Variants in SDE2 observed in about 807,000 individuals in gnomAD.
The protein encoded by SDE2 is splicing regulator SDE2.
Under a neutral mutation model 46.9 loss-of-function variants are expected in SDE2, and 31 were observed. The ratio of observed to expected loss-of-function variants is 0.66; its 90% CI spans 0.50 to 0.89. The LOEUF (loss-of-function observed/expected upper bound fraction) is 0.89. Among genes scored for constraint, SDE2 ranks in the 40% least tolerant of loss-of-function variants. SDE2 has a pLI of 0.00. For synonymous variants in SDE2, 205 were observed against 204.3 expected (o/e 1.00, Z -0.03); for missense variants, 542 against 564.4 (o/e 0.96, Z 0.40).
intron 1 of SDE2, among the ~76,000 whole-genome samples, chr1:225,998,133 G>T (rs1165394960): frequency 6.6e-6 from 1 of 152,086 alleles, no homozygotes; most frequent in Non-Finnish European, 1.5e-5. Flanking sequence ...CGTCGGGGGT[G>T]GGGGAGGGGG....
At position 225,983,123 on chromosome 1, in the gene SDE2, T is replaced by C. The variant is rs1384807674; in HGVS notation, c.*2179A>G. On this transcript the variant is annotated 3_prime_UTR_variant, in exon 7 of 7. Transcript: ENST00000272091. Reference sequence around the variant, plus strand: ...TATTAAAAGATACAGAGAGAACAGATAAAAATGCAAGTCTCAAGTATATGT... The same window carrying C: ...TATTAAAAGATACAGAGAGAACAGACAAAAATGCAAGTCTCAAGTATATGT... 3 of 152,102 alleles carry C rather than the reference T, an allele frequency of 2.0e-5. No homozygotes were observed. The highest frequency in any genetic ancestry group is 4.4e-5 in the Non-Finnish European group (3 of 68,008). The allele number at this position is 152,102 out of a possible 1,614,324, so 9.4% of individuals were successfully genotyped here.
chr1:225,997,313 T>G (rs1297543634), intron 1 of SDE2, among the ~76,000 whole-genome samples: 1 of 152,236 alleles, frequency 6.6e-6, no homozygotes, highest in Non-Finnish European at 1.5e-5. Flanking sequence ...AACATAGGTG[T>G]GAACTTGAGC....
intron 3 of SDE2, 31 bp from the exon 4 acceptor site, chr1:225,992,598 A>T: frequency 1.5e-6 from 2 of 1,373,400 alleles, no homozygotes. Flanking sequence ...GATATAACTG[A>T]ATAGATATAT....
Position 225,984,036 on chromosome 1 carries a change from C to T in SDE2, c.*1266G>A, listed in dbSNP as rs1656214217. 1 of 151,926 alleles carries T rather than the reference C, an allele frequency of 6.6e-6. No individual in the cohort carries two copies. Among genetic ancestry groups the T allele is most frequent in the Non-Finnish European group, 1.5e-5 (1 of 67,978 alleles). 9.4% of individuals were successfully genotyped at this position (151,926 alleles called of 1,614,324 possible). A position where few individuals can be genotyped will look rare whatever the true frequency, so the allele number is the denominator to read the frequency against. ...CCAAAGTGGGTGGATCACCTGAGGT[C>T]AGGAGTTCGAGACCAGCCTGGCCAA... On this transcript the variant is annotated 3_prime_UTR_variant, in exon 7 of 7. Transcript: ENST00000272091.
intron 5 of SDE2, among the ~76,000 whole-genome samples, chr1:225,990,057 A>G (rs1656363886): frequency 6.6e-6 from 1 of 151,580 alleles, no homozygotes; most frequent in South Asian, 2.1e-4. Context: ...CCTCAGCAAC[A>G]GAGTGAGGAA....
chr1:225,994,214 T>C (rs1415634201), intron 2 of SDE2, among the ~76,000 whole-genome samples: 2 of 152,094 alleles, frequency 1.3e-5, no homozygotes, highest in Admixed American at 6.6e-5. Flanking sequence ...GTAGCTGAGA[T>C]TACAGGCTCC....
intron 1 of SDE2, among the ~76,000 whole-genome samples, 168 bp from the exon 2 acceptor site, chr1:225,995,551 G>C (rs1226940219): frequency 6.6e-6 from 1 of 152,190 alleles, no homozygotes; most frequent in Non-Finnish European, 1.5e-5. Context: ...CATTTCACAT[G>C]ATGCATTTTG....
At chr1:225,988,889 A>G (rs1656329442) in intron 5 of SDE2, among the ~76,000 whole-genome samples, 1 of 152,230 alleles carries the variant, frequency 6.6e-6, no homozygotes, top group Admixed American at 6.5e-5. Flanking sequence ...AACTGTCCCA[A>G]AGATCCAAGA....
chr1:225,991,334 A>C lies in SDE2; in HGVS notation c.550T>G (p.Ser184Ala). 1 of 1,613,886 alleles carries C rather than the reference A, an allele frequency of 6.2e-7. No homozygotes were observed. The highest frequency in any genetic ancestry group is 8.5e-7 in the Non-Finnish European group (1 of 1,179,780). The change falls in exon 5 of 7, where the codon TCA becomes GCA. Residue 184 changes from serine (S) to alanine (A), a missense_variant. Physicochemically the swap from Ser to Ala is moderately conservative, Grantham distance 99. Coordinates refer to ENST00000272091, the MANE Select transcript of SDE2 (RefSeq NM_152608.4). ...GMQAASSKMV[S>A]AEISENRKRQ... is the part of the protein sequence containing the mutation. ...TTCCGATTCTCACTGATTTCTGCTG[A>C]AACCATCTTGCTGGAGGCAGCCTGC...
At chr1:225,993,905 G>T (rs1227689659) in intron 2 of SDE2, among the ~76,000 whole-genome samples, 1 of 151,184 alleles carries the variant, frequency 6.6e-6, no homozygotes, top group Non-Finnish European at 1.5e-5. Flanking sequence ...AAGTTGCTAG[G>T]ATTACAGGCG....
intron 1 of SDE2, among the ~76,000 whole-genome samples, chr1:225,995,977 C>CT (rs1391300571): frequency 6.6e-6 from 1 of 152,184 alleles, no homozygotes; most frequent in African/African-American, 2.4e-5. Flanking sequence ...AATCAATACT[C>CT]TAAGCAGTCC....
chr1:225,989,190 G>A (rs1464189067), intron 5 of SDE2, among the ~76,000 whole-genome samples: 4 of 148,394 alleles, frequency 2.7e-5, no homozygotes, highest in South Asian at 4.4e-4. Context: ...CCTGCTACTC[G>A]AGAGGCTGAG....
At chr1:225,994,251 A>G (rs1042425226) in intron 2 of SDE2, among the ~76,000 whole-genome samples, 1 of 151,888 alleles carries the variant, frequency 6.6e-6, no homozygotes, top group Non-Finnish European at 1.5e-5. Flanking sequence ...TAATTTTTAT[A>G]TCTCTAGTAG....
intron 4 of SDE2, among the ~76,000 whole-genome samples, chr1:225,991,929 T>C (rs1032641593): frequency 6.6e-6 from 1 of 152,194 alleles, no homozygotes; most frequent in Non-Finnish European, 1.5e-5. Flanking sequence ...ATATGCCAAA[T>C]GTTGGCTGGG....
rs772243601 is a variant in SDE2 at position 225,995,253 on chromosome 1, G to A, written c.238+13C>T. On this transcript the variant is annotated intron_variant, in intron 2 of 6. Coordinates refer to ENST00000272091, the MANE Select transcript of SDE2 (RefSeq NM_152608.4). ...AATGTGTTACAACTAAGTAGTCAAT[G>A]TTCAGGTCCTACCTCCTTTTCCACC... 7.5e-7 allele frequency: 1 copy of A among 1,331,670 alleles called. No individual in the cohort carries two copies. The highest frequency in any genetic ancestry group is 1.1e-6 in the Non-Finnish European group (1 of 926,596). The allele number at this position is 1,331,670 out of a possible 1,614,324, so 82.5% of individuals were successfully genotyped here.
chr1:225,987,871 G>A, intron 6 of SDE2, 25 bp downstream of exon 6: 2 of 1,584,374 alleles, frequency 1.3e-6, no homozygotes, highest in Non-Finnish European at 8.6e-7. Flanking sequence ...TTTGGCTCTA[G>A]GTATCAACCC....
chr1:225,985,048 C>A lies in SDE2; in HGVS notation c.*254G>T. The A allele has an allele frequency of 2.2e-6, 1 of 451,680 alleles. No homozygotes were observed. The highest frequency in any genetic ancestry group is 3.9e-6 in the Non-Finnish European group (1 of 253,666). 28.0% of individuals were successfully genotyped at this position (451,680 alleles called of 1,614,324 possible). The stretch of plus-strand genomic sequence containing the variant: ...GATAGATTCATTACCTAAATGACAC[C>A]AAGATCAAACCAAAAAATGTGAATA... On this transcript the variant is annotated 3_prime_UTR_variant, in exon 7 of 7. Coordinates refer to ENST00000272091, the MANE Select transcript of SDE2 (RefSeq NM_152608.4).
At chr1:225,991,751 G>A (rs545090733) in intron 4 of SDE2, among the ~76,000 whole-genome samples, 2 of 152,272 alleles carry the variant, frequency 1.3e-5, no homozygotes, top group South Asian at 2.1e-4. Context: ...CCATGTTTTG[G>A]ATGCTAAAAA....
chr1:225,983,081 A>T lies in SDE2; in HGVS notation c.*2221T>A, dbSNP rs953927599. 6.6e-6 allele frequency: 1 copy of T among 152,234 alleles called. No homozygotes were observed. The highest frequency in any genetic ancestry group is 2.4e-5 in the African/African-American group (1 of 41,474). The allele number at this position is 152,234 out of a possible 1,614,324, so 9.4% of individuals were successfully genotyped here. ...GTAAATTAGAAACCTATTAATAATTACATTTAATGTTAAACTTATTAAAAG... is the reference window on the plus strand; with the variant it reads ...GTAAATTAGAAACCTATTAATAATTTCATTTAATGTTAAACTTATTAAAAG... On this transcript the variant is annotated 3_prime_UTR_variant, in exon 7 of 7. Coordinates refer to ENST00000272091, the MANE Select transcript of SDE2 (RefSeq NM_152608.4).
Sources: gnomAD v4.1 joint callset for allele counts (sites outside exome capture counted in the v4.1 genomes callset) on GRCh38, gnomAD v4.1.1 for gene constraint, MANE v1.5 for transcripts, NCBI Gene and HGNC (gene_info 2026-07-23, HGNC 2026-07-21) for gene names.